The following EML5 variants were observed in gnomAD, a reference collection of about 807,000 sequenced individuals.
The protein encoded by EML5 is EMAP like 5.
EML5 carries 120 observed loss-of-function variants against 250.0 expected under a neutral mutation model. The ratio of observed to expected loss-of-function variants is 0.48; its 90% CI spans 0.41 to 0.56. The LOEUF is 0.56. Ranked by LOEUF, EML5 falls within the 20% of genes least tolerant of loss-of-function variation. EML5 has a pLI of 0.00. For missense variants in EML5, 2,006 were observed against 2,437.6 expected (o/e 0.82, Z 3.73); for synonymous variants, 771 against 806.5 (o/e 0.96, Z 0.75).
At chr14:88,788,615 G>A (rs560682271) in intron 1 of EML5, among the ~76,000 whole-genome samples, 45 of 151,894 alleles carry the variant, frequency 3.0e-4, no homozygotes, top group East Asian at 2.1e-3. Context: ...AAGGAAAGCA[G>A]AGTCAAATAA....
intron 2 of EML5, among the ~76,000 whole-genome samples, chr14:88,750,679 T>C (rs1595770797): frequency 6.6e-6 from 1 of 152,146 alleles, no homozygotes; most frequent in South Asian, 2.1e-4. Flanking sequence ...AACTCCAAAA[T>C]TGGTAGAATG....
At chr14:88,628,692 TAAATCATTCAATGCAGAAATA>T (rs1243608314) in intron 33 of EML5, among the ~76,000 whole-genome samples, 1 of 152,076 alleles carries the variant, frequency 6.6e-6, no homozygotes, top group Non-Finnish European at 1.5e-5. Context: ...CAAGCTGCCT[TAAATCATTCAATGCAGAAATA>T]AATGTTGGTC....
At chr14:88,764,698 A>G (rs2094296770) in intron 1 of EML5, among the ~76,000 whole-genome samples, 1 of 152,216 alleles carries the variant, frequency 6.6e-6, no homozygotes. Flanking sequence ...TTTAAAAAAT[A>G]TGCATTTTAA....
chr14:88,704,609 C>T (rs1367072964), intron 13 of EML5, among the ~76,000 whole-genome samples: 1 of 152,194 alleles, frequency 6.6e-6, no homozygotes, highest in East Asian at 1.9e-4. Flanking sequence ...GTCAAATATG[C>T]CCAGTTGTCC....
At chr14:88,760,041 T>C (rs2094216695) in intron 1 of EML5, among the ~76,000 whole-genome samples, 1 of 152,196 alleles carries the variant, frequency 6.6e-6, no homozygotes, top group African/African-American at 2.4e-5. Flanking sequence ...TATTTTTGAG[T>C]TTTCAAAGTA....
chr14:88,616,696 C>T (rs1390214232), intron 42 of EML5, 30 bp downstream of exon 42: 1 of 1,590,894 alleles, frequency 6.3e-7, no homozygotes, highest in Non-Finnish European at 8.6e-7. Context: ...TAGGAGTAAA[C>T]TGATAATAGT....
chr14:88,785,209 G>A (rs1303215196), intron 1 of EML5, among the ~76,000 whole-genome samples: 2 of 152,138 alleles, frequency 1.3e-5, no homozygotes, highest in South Asian at 2.1e-4. Context: ...AGGACTCAGG[G>A]GGAAGTGGGG....
chr14:88,741,119 T>G (rs1030860612), intron 4 of EML5, among the ~76,000 whole-genome samples: 1 of 151,870 alleles, frequency 6.6e-6, no homozygotes, highest in Non-Finnish European at 1.5e-5. Context: ...GCCAAGAGTG[T>G]ACCACTGCAC....
rs376266218 is a variant in EML5, at chr14:88,702,678, C to T, written c.2052-46G>A. ...TATATAATTAATTTTGGCCTTTTAT[C>T]TGATCAATACAGAATATACAGGGGA... On this transcript the variant is annotated intron_variant, in intron 13 of 43. Transcript: ENST00000554922. The T allele has an allele frequency of 2.3e-5, 31 of 1,352,176 alleles. No homozygotes were observed. The African/African-American group carries it at 4.5e-4, about 19-fold the overall frequency. The allele number at this position is 1,352,176 out of a possible 1,614,324, so 83.8% of individuals were successfully genotyped here. A position where few individuals can be genotyped will look rare whatever the true frequency, so the allele number is the denominator to read the frequency against.
At chr14:88,634,072 A>AC (rs1413947097) in intron 33 of EML5, among the ~76,000 whole-genome samples, 1 of 152,132 alleles carries the variant, frequency 6.6e-6, no homozygotes, top group Non-Finnish European at 1.5e-5. Flanking sequence ...TTGAATTGTA[A>AC]CCCCCAGTGT....
At position 88,674,366 on chromosome 14, in the gene EML5, G is replaced by C. The variant is rs1428234841; in HGVS notation, c.3124+7524C>G. Among the ~76,000 whole-genome samples the C allele has an allele frequency of 2.0e-5, 3 of 152,168 alleles. No individual in the cohort carries two copies. The East Asian group carries it at 5.8e-4, about 29-fold the overall frequency. ...CTCACAGTTCTGTATTTCTGAGGAG[G>C]CCTCATGAAACTTACAATCATAGCA... On this transcript the variant is annotated intron_variant, in intron 21 of 43. Coordinates refer to ENST00000554922, the MANE Select transcript of EML5 (RefSeq NM_183387.3).
At chr14:88,652,982 T>C (rs2091701547) in intron 27 of EML5, among the ~76,000 whole-genome samples, 2 of 152,204 alleles carry the variant, frequency 1.3e-5, no homozygotes, top group Non-Finnish European at 2.9e-5. Context: ...CCTTGAGCAG[T>C]GGTTTGTACC....
In EML5 at chr14:88,777,754, T is replaced by C. The variant is rs180783741; in HGVS notation, c.197+14553A>G. 6.1e-3 allele frequency among the ~76,000 whole-genome samples: 936 copies of C among 152,322 alleles called. 9 individuals carry two copies. Among genetic ancestry groups the C allele is most frequent in the South Asian group, 0.018 (85 of 4,822 alleles). Reference sequence around the variant, plus strand: ...CACTTTGGGAGCTGAGGCAGGCAGATTGCTTGAGCCCAGGAGCTCAAGACC... The same window carrying C: ...CACTTTGGGAGCTGAGGCAGGCAGACTGCTTGAGCCCAGGAGCTCAAGACC... On this transcript the variant is annotated intron_variant, in intron 1 of 43. Transcript: ENST00000554922.
rs1366499849 is a variant in EML5 at position 88,736,279 on chromosome 14, G to A, written c.1049+85C>T. 4.6e-5 allele frequency: 68 copies of A among 1,478,812 alleles called. 3 individuals are homozygous for A. The Middle Eastern group carries it at 5.2e-4, about 11-fold the overall frequency. 91.6% of individuals were successfully genotyped at this position (1,478,812 alleles called of 1,614,324 possible). A position where few individuals can be genotyped will look rare whatever the true frequency, so the allele number is the denominator to read the frequency against. ...CTCCCAAAGTGCTGGGATTACGGGC[G>A]TGAGCCACAGTGCCTGGCCATGTTT... On this transcript the variant is annotated intron_variant, in intron 7 of 43. Coordinates refer to ENST00000554922, the MANE Select transcript of EML5 (RefSeq NM_183387.3).
intron 4 of EML5, 77 bp from the exon 5 acceptor site, chr14:88,740,649 C>A: frequency 7.7e-7 from 1 of 1,299,430 alleles, no homozygotes; most frequent in South Asian, 1.6e-5. Flanking sequence ...TACTTTGATG[C>A]TATATTAGAG....
At chr14:88,759,760 T>C (rs1001702796) in intron 1 of EML5, among the ~76,000 whole-genome samples, 4 of 145,440 alleles carry the variant, frequency 2.8e-5, no homozygotes, top group Non-Finnish European at 6.0e-5. Flanking sequence ...CTTCATACAA[T>C]AGAACAGAGG....
chr14:88,764,499 T>C (rs1316235008), intron 1 of EML5, among the ~76,000 whole-genome samples: 1 of 152,190 alleles, frequency 6.6e-6, no homozygotes. Context: ...TTTTTATTCT[T>C]GGTCAGCCTA....
intron 27 of EML5, 38 bp downstream of exon 27, chr14:88,657,338 T>G (rs1234820345): frequency 6.6e-7 from 1 of 1,517,852 alleles, no homozygotes; most frequent in Non-Finnish European, 8.8e-7. Flanking sequence ...TTAATGACAA[T>G]ATCTTTTTCT....
At chr14:88,745,913 T>C (rs1281924022) in intron 3 of EML5, among the ~76,000 whole-genome samples, 4 of 152,278 alleles carry the variant, frequency 2.6e-5, no homozygotes, top group South Asian at 2.1e-4. Context: ...GTTCTGCACA[T>C]GTACCCCAGA....
Sources: gnomAD v4.1 joint callset for allele counts (sites outside exome capture counted in the v4.1 genomes callset) on GRCh38, gnomAD v4.1.1 for gene constraint, MANE v1.5 for transcripts, NCBI Gene and HGNC (gene_info 2026-07-23, HGNC 2026-07-21) for gene names.